Variants in NRP1 observed in about 807,000 individuals in gnomAD.
NRP1 encodes the protein neuropilin 1.
A neutral mutation model predicts 106.7 loss-of-function variants in NRP1; 35 were observed. That is an observed-to-expected ratio of 0.33 (90% CI 0.25 to 0.43). The LOEUF (loss-of-function observed/expected upper bound fraction) is 0.43, where lower values mean the gene tolerates loss of function less well. Ranked by LOEUF, NRP1 falls within the 20% of genes least tolerant of loss-of-function variation. NRP1 has a pLI of 1.00. For synonymous variants in NRP1, 437 were observed against 417.9 expected, an observed-to-expected ratio of 1.05 and a Z score of -0.56; for missense variants, 1,024 against 1,170.4, an observed-to-expected ratio of 0.87 and a Z score of 1.83.
chr10:33,185,379 C>T (rs1465407694), intron 15 of NRP1, among the ~76,000 whole-genome samples: 5 of 152,118 alleles, frequency 3.3e-5, no homozygotes, highest in Non-Finnish European at 7.4e-5. Flanking sequence ...TCTTTGGATT[C>T]TGCATTATTT....
At chr10:33,329,565 G>A (rs544759753) in intron 2 of NRP1, among the ~76,000 whole-genome samples, 4 of 152,120 alleles carry the variant, frequency 2.6e-5, no homozygotes, top group Non-Finnish European at 5.9e-5. Flanking sequence ...TAGGTCCAGC[G>A]GTAGCAGTAG....
At chr10:33,292,150 C>T (rs181506044) in intron 2 of NRP1, among the ~76,000 whole-genome samples, 1 of 152,306 alleles carries the variant, frequency 6.6e-6, no homozygotes, top group Admixed American at 6.5e-5. Context: ...CCCACCTCAG[C>T]CTCTCAAAGT....
intron 9 of NRP1, among the ~76,000 whole-genome samples, chr10:33,208,572 G>A (rs1407132186): frequency 6.6e-6 from 1 of 152,144 alleles, no homozygotes; most frequent in East Asian, 1.9e-4. Context: ...CTCTTCTCCA[G>A]CATCATTCTT....
intron 2 of NRP1, among the ~76,000 whole-genome samples, chr10:33,285,918 G>A (rs1588921629): frequency 6.6e-6 from 1 of 152,054 alleles, no homozygotes; most frequent in South Asian, 2.1e-4. Flanking sequence ...ATCCAGACAG[G>A]AAGCTCATCC....
intron 4 of NRP1, among the ~76,000 whole-genome samples, chr10:33,259,244 G>A (rs956033296): frequency 6.6e-6 from 1 of 152,158 alleles, no homozygotes; most frequent in African/African-American, 2.4e-5. Context: ...AAGACATGCT[G>A]GGTAAATCTG....
intron 2 of NRP1, among the ~76,000 whole-genome samples, chr10:33,323,825 C>T (rs986718410): frequency 5.9e-5 from 9 of 152,070 alleles, no homozygotes; most frequent in Non-Finnish European, 1.3e-4. Flanking sequence ...TTTGTGTGTG[C>T]GCTTCTGTGG....
chr10:33,291,720 C>G (rs954899111), intron 2 of NRP1, among the ~76,000 whole-genome samples: 2 of 151,928 alleles, frequency 1.3e-5, no homozygotes, highest in Non-Finnish European at 2.9e-5. Context: ...ACACAGATTG[C>G]GAAGTGTTTT....
At position 33,251,519 on chromosome 10, in the gene NRP1, A is replaced by G. The variant is rs186055245; in HGVS notation, c.981+2509T>C. Among the ~76,000 whole-genome samples, 178 of 152,290 alleles carry G rather than the reference A, an allele frequency of 1.2e-3. 1 individual carries two copies. The highest frequency in any genetic ancestry group is 4.1e-3 in the African/African-American group (170 of 41,566). On this transcript the variant is annotated intron_variant, in intron 6 of 16. Coordinates refer to ENST00000374867, the MANE Select transcript of NRP1 (RefSeq NM_003873.7). ...CCCAGCCATAGAACATGGCATAAGC[A>G]AGAAGAAAACCCTCTAGTTTTTGGG...
chr10:33,252,433 G>A (rs1841934355), intron 6 of NRP1, among the ~76,000 whole-genome samples: 1 of 152,056 alleles, frequency 6.6e-6, no homozygotes, highest in Non-Finnish European at 1.5e-5. Context: ...TGTAACACGC[G>A]CCCACTGGGG....
At chr10:33,250,866 C>T (rs1841805900) in intron 6 of NRP1, among the ~76,000 whole-genome samples, 2 of 152,166 alleles carry the variant, frequency 1.3e-5, no homozygotes, top group African/African-American at 2.4e-5. Flanking sequence ...TTTAAGCTCT[C>T]CTCCCTCTAG....
intron 6 of NRP1, among the ~76,000 whole-genome samples, chr10:33,227,919 A>G (rs940443534): frequency 6.6e-6 from 1 of 152,060 alleles, no homozygotes; most frequent in African/African-American, 2.4e-5. Context: ...CTGACCTCCT[A>G]TAATTCCTTC....
rs1220532463 is a variant in NRP1, at chr10:33,179,009, A to C, written c.*1067T>G. ...ATTCTAAGAGAGAAAAAAGACAGAGAGATAGGAGAGAGAAAGAGAAGAGAG... is the reference window on the plus strand; with the variant it reads ...ATTCTAAGAGAGAAAAAAGACAGAGCGATAGGAGAGAGAAAGAGAAGAGAG... On this transcript the variant is annotated 3_prime_UTR_variant, in exon 17 of 17. Transcript: ENST00000374867. 2.0e-5 allele frequency: 3 copies of C among 152,658 alleles called. No individual in the cohort carries two copies. Among genetic ancestry groups the C allele is most frequent in the Non-Finnish European group, 2.9e-5 (2 of 68,046 alleles). 9.5% of individuals were successfully genotyped at this position (152,658 alleles called of 1,614,324 possible). A position where few individuals can be genotyped will look rare whatever the true frequency, so the allele number is the denominator to read the frequency against.
At chr10:33,249,007 G>C (rs1284343157) in intron 6 of NRP1, among the ~76,000 whole-genome samples, 1 of 151,862 alleles carries the variant, frequency 6.6e-6, no homozygotes, top group African/African-American at 2.4e-5. Context: ...AAGTCACTAG[G>C]GAGTGTGGTA....
intron 4 of NRP1, among the ~76,000 whole-genome samples, chr10:33,261,210 T>C (rs1026117649): frequency 6.6e-6 from 1 of 152,170 alleles, no homozygotes; most frequent in Non-Finnish European, 1.5e-5. Flanking sequence ...TTGTTAATTG[T>C]TCCTCGATTC....
chr10:33,234,009 G>T (rs1840366129), intron 6 of NRP1, among the ~76,000 whole-genome samples: 1 of 152,156 alleles, frequency 6.6e-6, no homozygotes. Context: ...TTACTGTTAT[G>T]AATCTGAATG....
chr10:33,221,599 T>C, intron 8 of NRP1, 120 bp downstream of exon 8: 2 of 1,145,344 alleles, frequency 1.7e-6, no homozygotes, highest in Non-Finnish European at 2.5e-6. Flanking sequence ...ATGCTTTTAA[T>C]TGTCAAATAA....
intron 2 of NRP1, among the ~76,000 whole-genome samples, chr10:33,295,302 C>A (rs750638952): frequency 8.5e-5 from 13 of 152,162 alleles, no homozygotes; most frequent in Non-Finnish European, 1.9e-4. Context: ...CTCGAAAGAC[C>A]CCGCATCCTG....
intron 2 of NRP1, among the ~76,000 whole-genome samples, chr10:33,282,630 C>T (rs544798247): frequency 2.6e-5 from 4 of 152,078 alleles, no homozygotes; most frequent in Non-Finnish European, 4.4e-5. Context: ...TTAAAATGAC[C>T]GTCATCTTTT....
intron 2 of NRP1, among the ~76,000 whole-genome samples, chr10:33,284,857 C>T (rs1844401772): frequency 6.6e-6 from 1 of 152,144 alleles, no homozygotes; most frequent in Non-Finnish European, 1.5e-5. Context: ...TGACATAATA[C>T]CTATGGAATC....
Sources: allele counts gnomAD v4.1 joint callset (sites outside exome capture counted in the v4.1 genomes callset), GRCh38; gene constraint gnomAD v4.1.1; transcripts MANE v1.5; gene names NCBI Gene and HGNC (gene_info 2026-07-23, HGNC 2026-07-21).